SNCAIP: variants seen among roughly 807,000 people sequenced by gnomAD.
The protein encoded by SNCAIP is synphilin-1.
In SNCAIP, 43 loss-of-function variants were observed where a neutral mutation model predicts 86.7. That is an observed-to-expected ratio of 0.50 (90% CI 0.39 to 0.64). The LOEUF is 0.64. Among genes scored for constraint, SNCAIP ranks in the 30% least tolerant of loss-of-function variants. The pLI is 0.00. For missense variants in SNCAIP, 981 were observed against 1,103.1 expected (o/e 0.89, Z 1.57); for synonymous variants, 417 against 427.2 (o/e 0.98, Z 0.29).
chr5:122,351,562 A>AAAAAAAAAAAAAAAAAAAC (rs1759835072), intron 1 of SNCAIP, among the ~76,000 whole-genome samples: 1 of 148,150 alleles, frequency 6.7e-6, no homozygotes, highest in Non-Finnish European at 1.5e-5. Flanking sequence ...AAAAAAAAAA[A>AAAAAAAAAAAAAAAAAAAC]AAAAGAACTA....
At chr5:122,401,107 G>A (rs1467931512) in intron 2 of SNCAIP, 1 of 1,549,798 alleles carries the variant, frequency 6.5e-7, no homozygotes, top group Admixed American at 2.0e-5. Context: ...CTGGGAGCTT[G>A]CCATTGTCCT....
chr5:122,379,663 AT>A (rs1331825467), intron 1 of SNCAIP, among the ~76,000 whole-genome samples: 1 of 151,940 alleles, frequency 6.6e-6, no homozygotes, highest in Non-Finnish European at 1.5e-5. Flanking sequence ...TCAGTATGAT[AT>A]TGGCTGTGAG....
intron 1 of SNCAIP, among the ~76,000 whole-genome samples, chr5:122,360,330 T>A (rs1761963728): frequency 1.3e-5 from 2 of 152,164 alleles, no homozygotes; most frequent in Non-Finnish European, 2.9e-5. Flanking sequence ...GAGCTGGGGA[T>A]CTTCTGTCTT....
chr5:122,362,323 A>G (rs1450788853), intron 1 of SNCAIP, among the ~76,000 whole-genome samples: 1 of 152,218 alleles, frequency 6.6e-6, no homozygotes, highest in Non-Finnish European at 1.5e-5. Context: ...TGTGAGATGA[A>G]TATGGATACT....
chr5:122,404,573 T>C (rs2152877410), intron 3 of SNCAIP, among the ~76,000 whole-genome samples: 1 of 152,354 alleles, frequency 6.6e-6, no homozygotes, highest in Non-Finnish European at 1.5e-5. Context: ...TACCATGGTA[T>C]TAAACTATGA....
At chr5:122,400,536 A>G (rs951382662) in intron 2 of SNCAIP, among the ~76,000 whole-genome samples, 2 of 152,234 alleles carry the variant, frequency 1.3e-5, no homozygotes, top group African/African-American at 2.4e-5. Flanking sequence ...GCCAACACCT[A>G]CAGATAAGAA....
At chr5:122,378,019 T>C (rs1749661099) in intron 1 of SNCAIP, among the ~76,000 whole-genome samples, 1 of 150,170 alleles carries the variant, frequency 6.7e-6, no homozygotes, top group Admixed American at 6.6e-5. Flanking sequence ...TGTGTCTTTA[T>C]AGCAGCATGA....
At chr5:122,333,869 A>G (rs1755874784) in intron 1 of SNCAIP, among the ~76,000 whole-genome samples, 1 of 152,238 alleles carries the variant, frequency 6.6e-6, no homozygotes. Flanking sequence ...ACGTGTTAAC[A>G]TGGTAAGGCC....
chr5:122,407,188 G>C (rs1055959501), intron 3 of SNCAIP, among the ~76,000 whole-genome samples: 4 of 152,144 alleles, frequency 2.6e-5, no homozygotes, highest in African/African-American at 9.7e-5. Context: ...GGCAACATGA[G>C]AGACTGTGGT....
chr5:122,414,301 G>C (rs375004600), intron 3 of SNCAIP, among the ~76,000 whole-genome samples: 310 of 150,580 alleles, frequency 2.1e-3, no homozygotes, highest in African/African-American at 7.5e-3. Flanking sequence ...CACAATCTCA[G>C]CTCACTGCAA....
intron 1 of SNCAIP, among the ~76,000 whole-genome samples, chr5:122,334,886 G>A (rs956850784): frequency 1.1e-4 from 17 of 152,118 alleles, no homozygotes; most frequent in Admixed American, 6.5e-5. Flanking sequence ...TAGGCCTCTT[G>A]GGCAAAAGTT....
chr5:122,403,657 T>C (rs1772323188), intron 2 of SNCAIP, 136 bp from the exon 3 acceptor site: 2 of 796,540 alleles, frequency 2.5e-6, no homozygotes, highest in African/African-American at 3.4e-5. Flanking sequence ...CCATTTAGGG[T>C]AAAATGAGAT....
At chr5:122,432,188 T>C (rs1778547277) in intron 6 of SNCAIP, 106 bp downstream of exon 6, 4 of 707,338 alleles carry the variant, frequency 5.7e-6, no homozygotes, top group Non-Finnish European at 1.0e-5. Context: ...ATCAAAAATG[T>C]ATCCAAAGGT....
intron 1 of SNCAIP, among the ~76,000 whole-genome samples, chr5:122,377,370 C>T (rs1765545075): frequency 6.6e-6 from 1 of 151,892 alleles, no homozygotes; most frequent in South Asian, 2.1e-4. Flanking sequence ...TTCTATTATA[C>T]ATTCTTTTAT....
chr5:122,330,278 C>T lies in SNCAIP; in HGVS notation c.-47+17994C>T, dbSNP rs1009017476. 1.5e-4 allele frequency among the ~76,000 whole-genome samples: 23 copies of T among 151,884 alleles called. No homozygotes were observed. In the South Asian group the frequency reaches 4.8e-3, roughly 32 times the overall value. On this transcript the variant is annotated intron_variant, in intron 1 of 10. Transcript: ENST00000261368. ...CTGGGACTACAGGCGCCCGCCACTACGCCCGGCTAATTTTTTGTATTTTTA... is the reference window on the plus strand; with the variant it reads ...CTGGGACTACAGGCGCCCGCCACTATGCCCGGCTAATTTTTTGTATTTTTA...
intron 1 of SNCAIP, among the ~76,000 whole-genome samples, chr5:122,314,976 C>T (rs1247585883): frequency 6.6e-6 from 1 of 152,182 alleles, no homozygotes; most frequent in African/African-American, 2.4e-5. Context: ...TCGAAGAACA[C>T]ATTTCATAAT....
At chr5:122,336,259 C>A (rs1263762920) in intron 1 of SNCAIP, among the ~76,000 whole-genome samples, 1 of 152,096 alleles carries the variant, frequency 6.6e-6, no homozygotes. Flanking sequence ...TGTATTACGA[C>A]CATAAAATAT....
chr5:122,404,336 T>C (rs1008075641), intron 3 of SNCAIP, among the ~76,000 whole-genome samples: 2 of 152,188 alleles, frequency 1.3e-5, no homozygotes, highest in South Asian at 4.2e-4. Flanking sequence ...ACTGTAACAG[T>C]TAAGATTAAA....
chr5:122,359,297 A>G (rs1008585019), intron 1 of SNCAIP, among the ~76,000 whole-genome samples: 2 of 151,724 alleles, frequency 1.3e-5, no homozygotes, highest in African/African-American at 4.8e-5. Flanking sequence ...ATTTTTGAGT[A>G]AGTTTTATAT....
Sources: allele counts gnomAD v4.1 joint callset (sites outside exome capture counted in the v4.1 genomes callset), GRCh38; gene constraint gnomAD v4.1.1; transcripts MANE v1.5; gene names NCBI Gene and HGNC (gene_info 2026-07-23, HGNC 2026-07-21).